The following MICAL3 variants were observed in gnomAD, a reference collection of about 807,000 sequenced individuals.
The protein encoded by MICAL3 is [F-actin]-monooxygenase MICAL3.
Under a neutral mutation model 207.4 loss-of-function variants are expected in MICAL3, and 62 were observed. The observed-to-expected ratio is 0.30, with a 90% CI of 0.24 to 0.37. The LOEUF is 0.37. Ranked by LOEUF, MICAL3 falls within the 10% of genes least tolerant of loss-of-function variation. The pLI, the probability that MICAL3 is intolerant of heterozygous loss-of-function variation, is 1.00. For synonymous variants in MICAL3, 1,077 were observed against 1,069.3 expected, an observed-to-expected ratio of 1.01 and a Z score of -0.14; for missense variants, 2,368 against 2,635.6, an observed-to-expected ratio of 0.90 and a Z score of 2.22.
rs9617629 is a variant in MICAL3, at chr22:17,869,235, C to T, written c.2428+2602G>A. Among the ~76,000 whole-genome samples, 564 of 152,242 alleles carry T rather than the reference C, an allele frequency of 3.7e-3. 4 individuals carry two copies. The highest frequency in any genetic ancestry group is 0.013 in the African/African-American group (552 of 41,528). On this transcript the variant is annotated intron_variant, in intron 17 of 31. Transcript: ENST00000441493. ...GACAAGGTTGTGGGCTCTGTCTGCA[C>T]GGCAGCGGCTAGGACACTGGTGAGA...
chr22:17,995,151 T>A (rs1322298850), intron 1 of MICAL3, among the ~76,000 whole-genome samples: 1 of 152,108 alleles, frequency 6.6e-6, no homozygotes, highest in Non-Finnish European at 1.5e-5. Context: ...TCTCACTTCT[T>A]CTCTCTTCTT....
chr22:17,970,963 C>T (rs1935386274), intron 1 of MICAL3, among the ~76,000 whole-genome samples: 1 of 152,106 alleles, frequency 6.6e-6, no homozygotes, highest in South Asian at 2.1e-4. Flanking sequence ...GGGCAGATTG[C>T]TTGAGCTCAG....
At chr22:17,862,662 G>A (rs1602081046) in intron 19 of MICAL3, 1 of 985,266 alleles carries the variant, frequency 1.0e-6, no homozygotes, top group Non-Finnish European at 1.2e-6. Context: ...GGAGAAAAGG[G>A]TATCTATTTC....
chr22:17,863,649 C>A (rs1334008782), intron 19 of MICAL3: 22 of 985,350 alleles, frequency 2.2e-5, no homozygotes, highest in Non-Finnish European at 2.5e-5. Flanking sequence ...GCAGAAGCTG[C>A]GTTCACCTGG....
chr22:17,824,566 A>T (rs910595821), intron 22 of MICAL3, among the ~76,000 whole-genome samples: 24 of 152,234 alleles, frequency 1.6e-4, no homozygotes, highest in Non-Finnish European at 3.4e-4. Flanking sequence ...ATGACGGTTC[A>T]AATCTAGTGT....
At position 17,955,780 on chromosome 22, in the gene MICAL3, G is replaced by A. The variant is rs532744977; in HGVS notation, c.-74-48894C>T. 4.2e-3 allele frequency among the ~76,000 whole-genome samples: 642 copies of A among 152,266 alleles called. 4 individuals carry two copies. Among genetic ancestry groups the A allele is most frequent in the African/African-American group, 0.014 (598 of 41,532 alleles). On this transcript the variant is annotated intron_variant, in intron 1 of 31. Coordinates refer to ENST00000441493, the MANE Select transcript of MICAL3 (RefSeq NM_015241.3). ...AATTTCCTGGACAACTTCCAGCCTA[G>A]AGTGGGAGGTGGAAATAGATCTCAT...
chr22:17,829,060 C>T (rs1922506180), intron 21 of MICAL3, among the ~76,000 whole-genome samples: 1 of 152,120 alleles, frequency 6.6e-6, no homozygotes, highest in African/African-American at 2.4e-5. Flanking sequence ...TTGTTGCTGG[C>T]CCTGCAAGCC....
chr22:17,812,807 TA>T (rs2062062566), intron 27 of MICAL3: 1 of 152,292 alleles, frequency 6.6e-6, no homozygotes, highest in Admixed American at 6.5e-5. Flanking sequence ...TTCACTCTTT[TA>T]TTGGGAAGAA....
intron 1 of MICAL3, among the ~76,000 whole-genome samples, chr22:17,966,340 C>T (rs1166099237): frequency 6.6e-6 from 1 of 152,200 alleles, no homozygotes; most frequent in Non-Finnish European, 1.5e-5. Flanking sequence ...TCCTCCTCCC[C>T]TCTCCAGCCT....
intron 1 of MICAL3, among the ~76,000 whole-genome samples, chr22:17,957,382 T>G (rs1191655319): frequency 6.6e-6 from 1 of 152,188 alleles, no homozygotes; most frequent in Admixed American, 6.5e-5. Context: ...AATTTCCGAC[T>G]GAAACTAATC....
chr22:17,848,053 C>T (rs1171312498), intron 19 of MICAL3, among the ~76,000 whole-genome samples: 1 of 152,176 alleles, frequency 6.6e-6, no homozygotes, highest in Non-Finnish European at 1.5e-5. Context: ...AGCACCAAGC[C>T]ATGAACCCAT....
intron 1 of MICAL3, among the ~76,000 whole-genome samples, chr22:17,962,122 G>C (rs1440137531): frequency 6.6e-6 from 1 of 152,176 alleles, no homozygotes; most frequent in South Asian, 2.1e-4. Context: ...AGTGCTTGCT[G>C]ACTGCACATA....
At chr22:17,960,455 A>G (rs764413742) in intron 1 of MICAL3, among the ~76,000 whole-genome samples, 5 of 152,234 alleles carry the variant, frequency 3.3e-5, no homozygotes, top group Non-Finnish European at 5.9e-5. Context: ...TCCTGTCCTC[A>G]TGGAGCTTCG....
chr22:17,872,300 C>T (rs1432562968), intron 16 of MICAL3, among the ~76,000 whole-genome samples: 2 of 152,208 alleles, frequency 1.3e-5, no homozygotes, highest in African/African-American at 4.8e-5. Flanking sequence ...CATCACAGTG[C>T]TTCACACCAG....
At chr22:17,881,148 C>T (rs1929383893) in intron 16 of MICAL3, 1 of 1,421,212 alleles carries the variant, frequency 7.0e-7, no homozygotes, top group Non-Finnish European at 9.9e-7. Context: ...CACTAGCCAC[C>T]TACACAGACA....
chr22:17,977,953 C>CA (rs1935731084), intron 1 of MICAL3, among the ~76,000 whole-genome samples: 3 of 151,890 alleles, frequency 2.0e-5, no homozygotes, highest in African/African-American at 7.3e-5. Flanking sequence ...ACCTGGGAGG[C>CA]GGAGGTTGTG....
intron 29 of MICAL3, among the ~76,000 whole-genome samples, chr22:17,798,673 C>CTTTTTTTT (rs375673869): frequency 7.7e-6 from 1 of 130,686 alleles, no homozygotes; most frequent in African/African-American, 3.0e-5. Flanking sequence ...GGAGCAATGC[C>CTTTTTTTT]TTTTTTTTTT....
chr22:17,993,737 T>C (rs778295326), intron 1 of MICAL3, among the ~76,000 whole-genome samples: 25 of 152,112 alleles, frequency 1.6e-4, no homozygotes, highest in East Asian at 1.2e-3. Context: ...TCAAGGAATA[T>C]GCCAACTAAC....
intron 17 of MICAL3, among the ~76,000 whole-genome samples, chr22:17,868,696 TAACTGGAAA>T (rs113213254): frequency 0.047 from 7,075 of 149,840 alleles, 493 homozygotes; most frequent in African/African-American, 0.16. Context: ...AATATGGGAG[TAACTGGAAA>T]AGGGAAATGG....
Sources: gnomAD v4.1 joint callset for allele counts (sites outside exome capture counted in the v4.1 genomes callset) on GRCh38, gnomAD v4.1.1 for gene constraint, MANE v1.5 for transcripts, NCBI Gene and HGNC (gene_info 2026-07-23, HGNC 2026-07-21) for gene names.